The following ADGRL2 variants were observed in gnomAD, a reference collection of about 807,000 sequenced individuals.
ADGRL2 encodes adhesion G protein-coupled receptor L2.
Under a neutral mutation model 157.4 loss-of-function variants are expected in ADGRL2, and 44 were observed. The observed-to-expected ratio is 0.28, with a 90% CI of 0.22 to 0.36. The LOEUF (loss-of-function observed/expected upper bound fraction) is 0.36, where lower values mean the gene tolerates loss of function less well. Among genes scored for constraint, ADGRL2 ranks in the 10% least tolerant of loss-of-function variants. The pLI, the probability that ADGRL2 is intolerant of heterozygous loss-of-function variation, is 1.00. For missense variants in ADGRL2, 1,510 were observed against 1,768.9 expected, an observed-to-expected ratio of 0.85 and a Z score of 2.63; for synonymous variants, 585 against 624.7, an observed-to-expected ratio of 0.94 and a Z score of 0.95.
chr1:81,654,035 C>A (rs1343811343), intron 3 of ADGRL2, among the ~76,000 whole-genome samples: 3 of 151,952 alleles, frequency 2.0e-5, no homozygotes, highest in Non-Finnish European at 4.4e-5. Context: ...AACCTCCATC[C>A]CCCAGGTTCA....
intron 1 of ADGRL2, among the ~76,000 whole-genome samples, chr1:81,428,567 C>A (rs879378596): frequency 2.6e-5 from 4 of 152,020 alleles, no homozygotes; most frequent in Non-Finnish European, 5.9e-5. Flanking sequence ...GCTTAAAGGC[C>A]CCCATTCATA....
intron 2 of ADGRL2, among the ~76,000 whole-genome samples, chr1:81,477,656 A>G (rs1252538097): frequency 6.6e-6 from 1 of 152,242 alleles, no homozygotes; most frequent in African/African-American, 2.4e-5. Context: ...TTAATCCTGT[A>G]AAGAACAAAA....
chr1:81,882,364 G>A (rs435487), intron 2 of ADGRL2, among the ~76,000 whole-genome samples: 20,883 of 152,146 alleles, frequency 0.14, 1,613 homozygotes, highest in Admixed American at 0.21. Flanking sequence ...GTATTCATCA[G>A]AGTAAAAATT....
intron 2 of ADGRL2, among the ~76,000 whole-genome samples, chr1:81,901,443 C>T (rs751411255): frequency 7.9e-5 from 12 of 151,818 alleles, no homozygotes; most frequent in Admixed American, 1.3e-4. Context: ...TTCATCTGAC[C>T]CAGAGATTGT....
At chr1:81,417,561 A>G (rs1329317024) in intron 1 of ADGRL2, among the ~76,000 whole-genome samples, 1 of 152,192 alleles carries the variant, frequency 6.6e-6, no homozygotes, top group African/African-American at 2.4e-5. Context: ...CCTTTCAGCA[A>G]TATGGCACCA....
chr1:81,343,170 C>T (rs1385026830), intron 1 of ADGRL2, among the ~76,000 whole-genome samples: 1 of 144,142 alleles, frequency 6.9e-6, no homozygotes, highest in Admixed American at 7.3e-5. Flanking sequence ...TTCACTGCAA[C>T]CCTCCTCCTC....
At chr1:81,595,420 A>G (rs1557491542) in intron 3 of ADGRL2, among the ~76,000 whole-genome samples, 1 of 152,192 alleles carries the variant, frequency 6.6e-6, no homozygotes, top group Non-Finnish European at 1.5e-5. Flanking sequence ...TGCAGGACAT[A>G]AGTTGTGACT....
In ADGRL2 at chr1:81,318,811, C is replaced by T. The variant is rs80007253; in HGVS notation, c.-302+12302C>T. 5.6e-3 allele frequency among the ~76,000 whole-genome samples: 848 copies of T among 151,916 alleles called. 33 individuals carry two copies. In the East Asian group the frequency reaches 0.097, roughly 17 times the overall value. ...AGCATTGCTGATGCTTAAGAGCAAA[C>T]TCACCTCTCTTAATGACTCCTTTCT... is the stretch of plus-strand genomic sequence containing the variant. On this transcript the variant is annotated intron_variant, in intron 1 of 24. Coordinates refer to the ADGRL2 transcript ENST00000370721.
intron 3 of ADGRL2, among the ~76,000 whole-genome samples, chr1:81,660,339 G>C (rs1435547032): frequency 6.6e-6 from 1 of 152,136 alleles, no homozygotes; most frequent in Non-Finnish European, 1.5e-5. Flanking sequence ...AGGTTGTACT[G>C]AGTAATCTGC....
At chr1:81,635,777 C>T (rs1276020923) in intron 3 of ADGRL2, among the ~76,000 whole-genome samples, 1 of 152,188 alleles carries the variant, frequency 6.6e-6, no homozygotes, top group African/African-American at 2.4e-5. Context: ...GGGGCACATT[C>T]ACACCACAGC....
intron 16 of ADGRL2, among the ~76,000 whole-genome samples, 166 bp from the exon 17 acceptor site, chr1:81,971,686 A>T (rs1393864302): frequency 6.6e-6 from 1 of 151,050 alleles, no homozygotes; most frequent in Non-Finnish European, 1.5e-5. Context: ...TCCTTTGTTA[A>T]GTCAAAGCCA....
intron 14 of ADGRL2, among the ~76,000 whole-genome samples, chr1:81,968,677 C>A (rs1657851487): frequency 6.6e-6 from 1 of 152,108 alleles, no homozygotes; most frequent in African/African-American, 2.4e-5. Flanking sequence ...ACAATGACAG[C>A]CAGAAGACAG....
chr1:81,722,967 TC>T, intron 1 of ADGRL2: 1 of 772,212 alleles, frequency 1.3e-6, no homozygotes, highest in Non-Finnish European at 2.3e-6. Flanking sequence ...ATGGTGGCCT[TC>T]CAGGATGTGG....
chr1:81,593,634 C>T (rs2148599145), intron 3 of ADGRL2, among the ~76,000 whole-genome samples: 2 of 152,178 alleles, frequency 1.3e-5, no homozygotes, highest in Middle Eastern at 6.8e-3. Context: ...ACCTCTTATT[C>T]CTATGCTTTG....
At chr1:81,931,971 T>C (rs2095239750) in intron 3 of ADGRL2, among the ~76,000 whole-genome samples, 1 of 152,158 alleles carries the variant, frequency 6.6e-6, no homozygotes, top group Non-Finnish European at 1.5e-5. Flanking sequence ...TCGCAAGGCC[T>C]ACTTATGCCT....
chr1:81,433,478 G>A (rs1468195205), intron 1 of ADGRL2, among the ~76,000 whole-genome samples: 3 of 152,144 alleles, frequency 2.0e-5, no homozygotes, highest in East Asian at 1.9e-4. Context: ...AACATAAAAT[G>A]TGAACTAGTC....
At chr1:81,969,465 T>C in intron 15 of ADGRL2, 78 bp downstream of exon 15, 1 of 915,366 alleles carries the variant, frequency 1.1e-6, no homozygotes. Flanking sequence ...ATGATACTGA[T>C]ATTAATGTTT....
intron 6 of ADGRL2, among the ~76,000 whole-genome samples, chr1:81,946,755 A>G (rs1349320427): frequency 6.6e-6 from 1 of 152,178 alleles, no homozygotes. Flanking sequence ...GCTGTATAAA[A>G]GATGATCAGT....
intron 19 of ADGRL2, among the ~76,000 whole-genome samples, chr1:81,983,534 C>T (rs2149467593): frequency 6.6e-6 from 1 of 152,162 alleles, no homozygotes; most frequent in South Asian, 2.1e-4. Context: ...AAGTCATGGT[C>T]TTTACAGGCA....
Sources: allele counts gnomAD v4.1 joint callset (sites outside exome capture counted in the v4.1 genomes callset), GRCh38; gene constraint gnomAD v4.1.1; transcripts MANE v1.5; gene names NCBI Gene and HGNC (gene_info 2026-07-23, HGNC 2026-07-21).